Variants in ATRNL1 observed in about 807,000 individuals in gnomAD.
ATRNL1 encodes attractin-like protein 1.
Under a neutral mutation model 182.7 loss-of-function variants are expected in ATRNL1, and 95 were observed. The ratio of observed to expected loss-of-function variants is 0.52; its 90% confidence interval spans 0.44 to 0.62. The LOEUF is 0.62. Ranked by LOEUF, ATRNL1 falls within the 20% of genes least tolerant of loss-of-function variation. The pLI is 0.00. For synonymous variants in ATRNL1, 576 were observed against 568.3 expected (o/e 1.01, Z -0.19); for missense variants, 1,471 against 1,679.5 (o/e 0.88, Z 2.17).
At chr10:115,490,191 T>C (rs1304946748) in intron 24 of ATRNL1, among the ~76,000 whole-genome samples, 1 of 152,058 alleles carries the variant, frequency 6.6e-6, no homozygotes, top group Non-Finnish European at 1.5e-5. Flanking sequence ...GTGAATCTGA[T>C]GATTATGTGT....
At chr10:115,524,819 C>T (rs1851125966) in intron 25 of ATRNL1, among the ~76,000 whole-genome samples, 1 of 152,164 alleles carries the variant, frequency 6.6e-6, no homozygotes, top group Non-Finnish European at 1.5e-5. Flanking sequence ...GCCCCCACCC[C>T]ATGAACACCC....
chr10:115,436,486 T>C (rs1264191790), intron 21 of ATRNL1, among the ~76,000 whole-genome samples: 1 of 152,120 alleles, frequency 6.6e-6, no homozygotes, highest in Non-Finnish European at 1.5e-5. Flanking sequence ...TGATATGATA[T>C]CTAGCAAATG....
At chr10:115,393,236 T>G (rs1262691654) in intron 19 of ATRNL1, among the ~76,000 whole-genome samples, 14 of 152,204 alleles carry the variant, frequency 9.2e-5, no homozygotes, top group Non-Finnish European at 2.1e-4. Flanking sequence ...TTTGAACTTT[T>G]GTTTTAGTCT....
At chr10:115,815,623 T>G (rs1371759382) in intron 27 of ATRNL1, among the ~76,000 whole-genome samples, 1 of 152,100 alleles carries the variant, frequency 6.6e-6, no homozygotes, top group African/African-American at 2.4e-5. Context: ...CAAGTGGAGG[T>G]TGACTTCAGA....
chr10:115,241,841 A>C, intron 10 of ATRNL1, 116 bp downstream of exon 10: 1 of 827,412 alleles, frequency 1.2e-6, no homozygotes, highest in Non-Finnish European at 1.8e-6. Flanking sequence ...TAAGTGATAG[A>C]ATATGAATGG....
intron 27 of ATRNL1, among the ~76,000 whole-genome samples, chr10:115,774,845 A>G (rs1220267033): frequency 2.0e-5 from 3 of 151,594 alleles, no homozygotes; most frequent in Non-Finnish European, 2.9e-5. Context: ...TCACTCAGTT[A>G]TAGTTGGAGT....
At chr10:115,633,322 G>A (rs1858643000) in intron 26 of ATRNL1, among the ~76,000 whole-genome samples, 1 of 152,152 alleles carries the variant, frequency 6.6e-6, no homozygotes, top group South Asian at 2.1e-4. Flanking sequence ...GTAAGTCTTG[G>A]TTCTGTCTAT....
chr10:115,742,425 G>A (rs782149506), intron 27 of ATRNL1, among the ~76,000 whole-genome samples: 2 of 152,050 alleles, frequency 1.3e-5, no homozygotes, highest in African/African-American at 2.4e-5. Flanking sequence ...GTTTACCTTC[G>A]ATGATCTTAT....
Position 115,223,929 on chromosome 10 carries a change from A to T in ATRNL1, c.1532+8049A>T, listed in dbSNP as rs4448611. On this transcript the variant is annotated intron_variant, in intron 9 of 28. Coordinates refer to ENST00000355044, the MANE Select transcript of ATRNL1 (RefSeq NM_207303.4). ...TGTGTGTGTGTATATATATATATAT[A>T]TTTTTTTTTTTTTTTTTTTTCTTTG... Among the ~76,000 whole-genome samples, 205 of 44,716 alleles carry T rather than the reference A, an allele frequency of 4.6e-3. 2 individuals are homozygous for T. The highest frequency in any genetic ancestry group is 0.017 in the Middle Eastern group (1 of 58). The allele number at this position is 44,716 out of a possible 152,430, so 29.3% of individuals were successfully genotyped here.
rs192414975 is a variant in ATRNL1, at chr10:115,126,291, C to T, written c.492-1302C>T. ...GCCAGGATGTTCCTGATCTCTTGAC[C>T]TCGTTATCCGCCTGCCTCCACCTTC... On this transcript the variant is annotated intron_variant, in intron 3 of 28. Coordinates refer to ENST00000355044, the MANE Select transcript of ATRNL1 (RefSeq NM_207303.4). Among the ~76,000 whole-genome samples, 56 of 152,276 alleles carry T rather than the reference C, an allele frequency of 3.7e-4. No homozygotes were observed. In the East Asian group the frequency reaches 0.011, roughly 29 times the overall value.
At chr10:115,202,638 A>AT (rs1450851005) in intron 8 of ATRNL1, among the ~76,000 whole-genome samples, 1 of 147,706 alleles carries the variant, frequency 6.8e-6, no homozygotes, top group African/African-American at 2.5e-5. Context: ...GTTTGCCAGT[A>AT]TTTTATTGAG....
intron 26 of ATRNL1, among the ~76,000 whole-genome samples, chr10:115,637,603 C>CTATTAT (rs3087071): frequency 0.12 from 17,040 of 141,642 alleles, 1,324 homozygotes; most frequent in African/African-American, 0.21. Context: ...CAATTTATTA[C>CTATTAT]TATTATTATT....
intron 21 of ATRNL1, among the ~76,000 whole-genome samples, chr10:115,431,893 T>C (rs1331210183): frequency 6.6e-6 from 1 of 152,134 alleles, no homozygotes; most frequent in Non-Finnish European, 1.5e-5. Flanking sequence ...TTAGTTTCTT[T>C]TATCTGCCAA....
intron 25 of ATRNL1, among the ~76,000 whole-genome samples, chr10:115,529,564 T>G (rs1265593966): frequency 1.4e-5 from 2 of 144,490 alleles, no homozygotes; most frequent in African/African-American, 2.4e-5. Flanking sequence ...AGTTTAAGAA[T>G]TATAGTTTTT....
chr10:115,777,296 T>A (rs1397803997), intron 27 of ATRNL1, among the ~76,000 whole-genome samples: 1 of 152,208 alleles, frequency 6.6e-6, no homozygotes, highest in Non-Finnish European at 1.5e-5. Context: ...GTTACTAGTT[T>A]TATATTTACT....
chr10:115,182,938 A>G (rs527857509), intron 8 of ATRNL1, among the ~76,000 whole-genome samples: 6 of 151,642 alleles, frequency 4.0e-5, no homozygotes, highest in African/African-American at 1.4e-4. Flanking sequence ...TCTAAACAAC[A>G]TAACTAATAA....
chr10:115,758,483 G>C (rs1948649693), intron 27 of ATRNL1, among the ~76,000 whole-genome samples: 1 of 152,202 alleles, frequency 6.6e-6, no homozygotes, highest in African/African-American at 2.4e-5. Context: ...ATTGCTGCCT[G>C]TTCCTACCTC....
chr10:115,534,078 C>A (rs1258871744), intron 25 of ATRNL1, among the ~76,000 whole-genome samples: 1 of 151,954 alleles, frequency 6.6e-6, no homozygotes, highest in East Asian at 1.9e-4. Context: ...AATGTATATT[C>A]TGTGGATTTG....
chr10:115,286,459 A>AT (rs568013394), intron 15 of ATRNL1, 62 bp downstream of exon 15: 309 of 1,168,668 alleles, frequency 2.6e-4, no homozygotes, highest in Middle Eastern at 9.4e-4. Flanking sequence ...ATTATTTGAA[A>AT]TTTTTTTTTG....
Sources: allele counts gnomAD v4.1 joint callset (sites outside exome capture counted in the v4.1 genomes callset), GRCh38; gene constraint gnomAD v4.1.1; transcripts MANE v1.5; gene names NCBI Gene and HGNC (gene_info 2026-07-23, HGNC 2026-07-21).